CADM2: variants seen among roughly 807,000 people sequenced by gnomAD.
The protein encoded by CADM2 is cell adhesion molecule 2.
CADM2 carries 12 observed loss-of-function variants against 49.8 expected under a neutral mutation model. That is an observed-to-expected ratio of 0.24 (90% CI 0.15 to 0.39). The LOEUF is 0.39. CADM2 is among the 10% of genes least tolerant of loss of function. The probability of loss-of-function intolerance (pLI) is 1.00; values close to 1 mark genes in which losing one functional copy is unlikely to be tolerated. For missense variants in CADM2, 378 were observed against 492.3 expected (o/e 0.77, Z 2.20); for synonymous variants, 214 against 175.4 (o/e 1.22, Z -1.74).
intron 8 of CADM2, among the ~76,000 whole-genome samples, chr3:86,035,833 G>A (rs929393711): frequency 7.9e-5 from 12 of 152,120 alleles, no homozygotes; most frequent in Admixed American, 7.9e-4. Context: ...TTAAACAACA[G>A]ACATTTGTTT....
chr3:85,519,836 A>G (rs1310209027), intron 1 of CADM2, among the ~76,000 whole-genome samples: 1 of 152,100 alleles, frequency 6.6e-6, no homozygotes, highest in Non-Finnish European at 1.5e-5. Context: ...AAATATATGA[A>G]TACAAGTTAG....
At chr3:85,567,148 ATGGG>A (rs2062290003) in intron 1 of CADM2, among the ~76,000 whole-genome samples, 1 of 152,148 alleles carries the variant, frequency 6.6e-6, no homozygotes, top group Non-Finnish European at 1.5e-5. Flanking sequence ...TGACAATAAA[ATGGG>A]TGGAGGGTTT....
intron 1 of CADM2, among the ~76,000 whole-genome samples, chr3:85,633,963 C>T (rs1437055001): frequency 6.6e-6 from 1 of 151,818 alleles, no homozygotes. Flanking sequence ...AAATATGAAC[C>T]CCCAAGGAAA....
chr3:85,694,080 A>C, intron 1 of CADM2, among the ~76,000 whole-genome samples: 1 of 152,088 alleles, frequency 6.6e-6, no homozygotes, highest in Non-Finnish European at 1.5e-5. Context: ...CACTTTTTAA[A>C]GATATCTACT....
At chr3:85,762,611 C>CTG (rs2107908370) in intron 2 of CADM2, among the ~76,000 whole-genome samples, 1 of 130,052 alleles carries the variant, frequency 7.7e-6, no homozygotes, top group East Asian at 2.3e-4. Context: ...CTCTCTCTCT[C>CTG]TCTCTCTCTC....
At chr3:85,295,972 G>A (rs1197557035) in intron 1 of CADM2, among the ~76,000 whole-genome samples, 1 of 151,676 alleles carries the variant, frequency 6.6e-6, no homozygotes, top group African/African-American at 2.4e-5. Context: ...AGTAAACCTA[G>A]TATATAAAAA....
At chr3:85,074,380 T>C (rs2036865211) in intron 1 of CADM2, among the ~76,000 whole-genome samples, 1 of 152,120 alleles carries the variant, frequency 6.6e-6, no homozygotes. Context: ...CACCTCTACC[T>C]TTATCCTGTT....
chr3:85,474,752 G>C (rs2038910742), intron 1 of CADM2, among the ~76,000 whole-genome samples: 1 of 151,736 alleles, frequency 6.6e-6, no homozygotes, highest in African/African-American at 2.4e-5. Flanking sequence ...TAATGACTGG[G>C]TCTGTGTAAA....
chr3:85,198,685 T>A lies in CADM2; in HGVS notation c.61+239017T>A, dbSNP rs551181927. ...AACTCATTATTTTATCAAATGTGCA[T>A]ACATATATTTAGCTAACAATATTAG... On this transcript the variant is annotated intron_variant, in intron 1 of 9. Transcript: ENST00000383699. Among the ~76,000 whole-genome samples the A allele has an allele frequency of 2.6e-5, 4 of 152,066 alleles. No homozygotes were observed. The South Asian group carries it at 8.3e-4, about 31-fold the overall frequency.
chr3:86,011,816 T>G (rs1377541658), intron 8 of CADM2, among the ~76,000 whole-genome samples: 1 of 152,088 alleles, frequency 6.6e-6, no homozygotes, highest in Non-Finnish European at 1.5e-5. Context: ...CGAACATAAA[T>G]TTAAAATGTA....
chr3:85,012,043 T>C (rs1348340954), intron 1 of CADM2, among the ~76,000 whole-genome samples: 1 of 151,592 alleles, frequency 6.6e-6, no homozygotes, highest in African/African-American at 2.4e-5. Flanking sequence ...CAGAAGAGTT[T>C]AGCCATTGAG....
chr3:85,530,744 G>A (rs1020835053), intron 1 of CADM2, among the ~76,000 whole-genome samples: 1 of 152,064 alleles, frequency 6.6e-6, no homozygotes, highest in Non-Finnish European at 1.5e-5. Context: ...ATCTAGCCAA[G>A]TATGGCACAT....
chr3:85,897,124 A>T (rs1715319609), intron 5 of CADM2, among the ~76,000 whole-genome samples: 1 of 151,898 alleles, frequency 6.6e-6, no homozygotes, highest in Admixed American at 6.6e-5. Flanking sequence ...GACTCTTAAC[A>T]TTCTTTCTAC....
chr3:85,103,190 A>G (rs1292743875), intron 1 of CADM2, among the ~76,000 whole-genome samples: 1 of 152,212 alleles, frequency 6.6e-6, no homozygotes, highest in Non-Finnish European at 1.5e-5. Flanking sequence ...GTTTTAACGT[A>G]GGGAGAAACA....
chr3:85,853,018 T>A, intron 3 of CADM2, among the ~76,000 whole-genome samples: 1 of 152,102 alleles, frequency 6.6e-6, no homozygotes, highest in East Asian at 1.9e-4. Flanking sequence ...AAAAATATAG[T>A]ATTTAAAACT....
chr3:85,254,993 T>A (rs2042852888), intron 1 of CADM2, among the ~76,000 whole-genome samples: 1 of 152,126 alleles, frequency 6.6e-6, no homozygotes, highest in African/African-American at 2.4e-5. Context: ...AGTCATTTTT[T>A]TCATATCCTA....
At chr3:85,337,696 G>C (rs888612649) in intron 1 of CADM2, among the ~76,000 whole-genome samples, 2 of 151,238 alleles carry the variant, frequency 1.3e-5, no homozygotes. Context: ...AAGTATTTTT[G>C]CTCTTTTTTC....
At chr3:85,762,986 T>G (rs1165969762) in intron 2 of CADM2, among the ~76,000 whole-genome samples, 3 of 152,034 alleles carry the variant, frequency 2.0e-5, no homozygotes, top group South Asian at 2.1e-4. Flanking sequence ...GTTCTTTGGG[T>G]TGTTTCTAAT....
intron 2 of CADM2, among the ~76,000 whole-genome samples, chr3:85,752,720 C>G (rs928440634): frequency 3.3e-5 from 5 of 151,850 alleles, no homozygotes; most frequent in African/African-American, 1.2e-4. Context: ...CCAGATTGCC[C>G]CACTCGTGGA....
Sources: allele counts gnomAD v4.1 joint callset (sites outside exome capture counted in the v4.1 genomes callset), GRCh38; gene constraint gnomAD v4.1.1; transcripts MANE v1.5; gene names NCBI Gene and HGNC (gene_info 2026-07-23, HGNC 2026-07-21).